Variants in SCAI observed in about 807,000 individuals in gnomAD.
SCAI encodes protein SCAI.
In SCAI, 24 loss-of-function variants were observed where a neutral mutation model predicts 92.2. The observed-to-expected ratio is 0.26, with a 90% CI of 0.19 to 0.37. The LOEUF (loss-of-function observed/expected upper bound fraction) is 0.37. Ranked by LOEUF, SCAI falls within the 10% of genes least tolerant of loss-of-function variation. The probability of loss-of-function intolerance (pLI) is 1.00; values close to 1 mark genes in which losing one functional copy is unlikely to be tolerated. For missense variants in SCAI, 450 were observed against 736.2 expected, an observed-to-expected ratio of 0.61 and a Z score of 4.50; for synonymous variants, 261 against 258.6, an observed-to-expected ratio of 1.01 and a Z score of -0.09.
intron 2 of SCAI, among the ~76,000 whole-genome samples, chr9:125,121,894 A>G (rs555195392): frequency 5.9e-5 from 9 of 152,316 alleles, no homozygotes; most frequent in African/African-American, 2.2e-4. Context: ...TAAAAATGCT[A>G]TGAACATCTA....
Position 125,095,754 on chromosome 9 carries a change from G to C in SCAI, c.99-39747C>G, listed in dbSNP as rs140416812. Among the ~76,000 whole-genome samples, 46 of 152,238 alleles carry C rather than the reference G, an allele frequency of 3.0e-4. No homozygotes were observed. The East Asian group carries it at 6.0e-3, about 20-fold the overall frequency. Reference sequence around the variant, plus strand: ...TATGGACATAATATTGAGCATCTTGGACCACGTGGATGTGGGCAATAAGCT... The same window carrying C: ...TATGGACATAATATTGAGCATCTTGCACCACGTGGATGTGGGCAATAAGCT... On this transcript the variant is annotated intron_variant, in intron 2 of 17. Coordinates refer to ENST00000336505, the MANE Select transcript of SCAI (RefSeq NM_001144877.3).
intron 9 of SCAI, among the ~76,000 whole-genome samples, chr9:125,016,025 T>C (rs1272667348): frequency 1.0e-5 from 1 of 98,480 alleles, no homozygotes; most frequent in African/African-American, 4.1e-5. Context: ...CTTTGGGGAC[T>C]GTTGTGGGGC....
intron 14 of SCAI, among the ~76,000 whole-genome samples, chr9:124,988,035 AACAC>A (rs144782993): frequency 2.0e-3 from 301 of 149,690 alleles, no homozygotes; most frequent in African/African-American, 6.1e-3. Context: ...TGTATCTATA[AACAC>A]ACACACACAC....
At chr9:125,055,441 T>A (rs964464234) in intron 3 of SCAI, among the ~76,000 whole-genome samples, 1 of 152,012 alleles carries the variant, frequency 6.6e-6, no homozygotes, top group Non-Finnish European at 1.5e-5. Flanking sequence ...GTAACCATCA[T>A]TACTTTAGGC....
Position 125,003,474 on chromosome 9 carries a change from T to A in SCAI, c.958A>T (p.Met320Leu). 1 of 1,605,104 alleles carries A rather than the reference T, an allele frequency of 6.2e-7. No homozygotes were observed. The highest frequency in any genetic ancestry group is 8.5e-7 in the Non-Finnish European group (1 of 1,171,840). Residue 320 changes from methionine to leucine, a missense_variant, in exon 10 of 18, where the codon ATG becomes TTG. This residue lies in a region of SCAI where 360 missense variants were observed against 601.8 expected (regional missense o/e 0.60). Transcript: ENST00000336505. ...AATGTAAAAGAGGAGATTACCTGCA[T>A]TCCTGGTTTATTCATCTGGGAAGCT... ...NLASQMNKPGMQESADKPTRR... is the reference protein window; with the variant it reads ...NLASQMNKPGLQESADKPTRR...
intron 13 of SCAI, among the ~76,000 whole-genome samples, chr9:124,996,130 A>T (rs1832234234): frequency 1.3e-5 from 2 of 149,762 alleles, no homozygotes; most frequent in Non-Finnish European, 3.0e-5. Flanking sequence ...TTGTTAATGC[A>T]TACATGTATA....
In SCAI at chr9:124,944,917, C is replaced by T. The variant is rs980037279; in HGVS notation, c.*7890G>A. 3 of 152,188 alleles carry T rather than the reference C, an allele frequency of 2.0e-5. No individual in the cohort carries two copies. The highest frequency in any genetic ancestry group is 4.1e-4 in the South Asian group (2 of 4,836). The allele number at this position is 152,188 out of a possible 1,614,324, so 9.4% of individuals were successfully genotyped here. On this transcript the variant is annotated 3_prime_UTR_variant, in exon 18 of 18. Transcript: ENST00000336505. ...ATAACAAACATTTAAGTATCATTTA[C>T]GGCAGCCCTATAAGAAGGCTAGCCA...
chr9:125,017,820 C>CCAA (rs1426724676), intron 9 of SCAI, among the ~76,000 whole-genome samples: 2 of 151,966 alleles, frequency 1.3e-5, no homozygotes, highest in Non-Finnish European at 2.9e-5. Flanking sequence ...ACCAGCCTGG[C>CCAA]CAACATGATG....
intron 2 of SCAI, among the ~76,000 whole-genome samples, chr9:125,080,659 G>A (rs1453368920): frequency 2.6e-5 from 4 of 152,108 alleles, no homozygotes; most frequent in Non-Finnish European, 5.9e-5. Context: ...CCAAAACAGA[G>A]TTTATATTAT....
intron 14 of SCAI, 31 bp from the exon 15 acceptor site, chr9:124,976,217 T>A: frequency 2.1e-6 from 3 of 1,448,774 alleles, no homozygotes; most frequent in South Asian, 1.1e-5. Flanking sequence ...AAACTTGCAT[T>A]AAAGATTTGA....
intron 2 of SCAI, among the ~76,000 whole-genome samples, chr9:125,112,657 G>C (rs991849029): frequency 3.3e-5 from 5 of 152,162 alleles, no homozygotes; most frequent in Non-Finnish European, 5.9e-5. Context: ...ACCACATTGT[G>C]CCCCAGTAGC....
At chr9:125,095,385 G>T (rs1394779941) in intron 2 of SCAI, among the ~76,000 whole-genome samples, 2 of 152,186 alleles carry the variant, frequency 1.3e-5, no homozygotes, top group African/African-American at 4.8e-5. Flanking sequence ...GCTTTCTGGA[G>T]CCCCTAACCT....
intron 2 of SCAI, among the ~76,000 whole-genome samples, chr9:125,125,955 C>CACACAT (rs1224725413): frequency 6.6e-6 from 1 of 150,810 alleles, no homozygotes; most frequent in East Asian, 2.0e-4. Context: ...CACACATTCT[C>CACACAT]TCTCTTTGTC....
intron 2 of SCAI, among the ~76,000 whole-genome samples, chr9:125,071,881 A>G (rs917589625): frequency 1.3e-5 from 2 of 152,238 alleles, no homozygotes; most frequent in Non-Finnish European, 2.9e-5. Context: ...TATTGAGGAA[A>G]CTAAGTTCTG....
Position 125,003,702 on chromosome 9 carries a change from C to T in SCAI, c.862-132G>A, listed in dbSNP as rs184242654. On this transcript the variant is annotated intron_variant, in intron 9 of 17. Coordinates refer to ENST00000336505, the MANE Select transcript of SCAI (RefSeq NM_001144877.3). ...TTGGGTACCTTTTTCTCTAATATTT[C>T]GTTACAGAAATTTTCAAGCGATGGA... 432 of 608,936 alleles carry T rather than the reference C, an allele frequency of 7.1e-4. 2 individuals are homozygous for T. The highest frequency in any genetic ancestry group is 7.0e-3 in the African/African-American group (380 of 54,102). The allele number at this position is 608,936 out of a possible 1,614,324, so 37.7% of individuals were successfully genotyped here.
chr9:125,084,012 G>C (rs1834272255), intron 2 of SCAI, among the ~76,000 whole-genome samples: 1 of 151,946 alleles, frequency 6.6e-6, no homozygotes, highest in Admixed American at 6.6e-5. Context: ...TCCAGGTAGA[G>C]GAACAAGTAC....
intron 17 of SCAI, among the ~76,000 whole-genome samples, chr9:124,957,696 T>TA (rs548800618): frequency 2.9e-5 from 4 of 138,276 alleles, no homozygotes; most frequent in African/African-American, 1.2e-4. Flanking sequence ...TTTTTTTTTT[T>TA]AAAAAGACGG....
intron 13 of SCAI, among the ~76,000 whole-genome samples, chr9:124,995,774 A>C (rs1307947929): frequency 6.6e-6 from 1 of 152,162 alleles, no homozygotes; most frequent in African/African-American, 2.4e-5. Flanking sequence ...TATGGGCATG[A>C]GTCACTGTGC....
At chr9:125,118,277 G>A (rs1835091836) in intron 2 of SCAI, among the ~76,000 whole-genome samples, 2 of 152,012 alleles carry the variant, frequency 1.3e-5, no homozygotes, top group South Asian at 4.1e-4. Context: ...ATTTTGAGAG[G>A]CCAGCACAGG....
Sources: gnomAD v4.1 joint callset for allele counts (sites outside exome capture counted in the v4.1 genomes callset) on GRCh38, gnomAD v4.1.1 for gene constraint, gnomAD v4.1.1 regional missense constraint, MANE v1.5 for transcripts, NCBI Gene and HGNC (gene_info 2026-07-23, HGNC 2026-07-21) for gene names.